Variants in CCBE1 observed in about 807,000 individuals in gnomAD.
The protein encoded by CCBE1 is collagen and calcium binding EGF domains 1, also known as collagen and calcium-binding EGF domain-containing protein 1.
Under a neutral mutation model 50.0 loss-of-function variants are expected in CCBE1, and 37 were observed. The ratio of observed to expected loss-of-function variants is 0.74; its 90% CI spans 0.57 to 0.97. The LOEUF (loss-of-function observed/expected upper bound fraction) is 0.97, where lower values mean the gene tolerates loss of function less well. Ranked by LOEUF, CCBE1 falls within the 50% of genes least tolerant of loss-of-function variation. CCBE1 has a pLI of 0.00. For synonymous variants in CCBE1, 234 were observed against 203.7 expected (o/e 1.15, Z -1.27); for missense variants, 538 against 523.8 (o/e 1.03, Z -0.26).
chr18:59,647,004 T>G (rs180915749), intron 2 of CCBE1, among the ~76,000 whole-genome samples: 1 of 152,340 alleles, frequency 6.6e-6, no homozygotes, highest in Non-Finnish European at 1.5e-5. Flanking sequence ...TCCGTGGGCC[T>G]AAGGATGGGA....
Position 59,434,223 on chromosome 18 carries a change from T to C in CCBE1, c.*1685A>G, listed in dbSNP as rs1910054824. ...TTCTTTAAGCAAGCTTTCACAGTAGTGGAGTTAAATGATGTGGGCTAAAAG... is the reference window on the plus strand; with the variant it reads ...TTCTTTAAGCAAGCTTTCACAGTAGCGGAGTTAAATGATGTGGGCTAAAAG... On this transcript the variant is annotated 3_prime_UTR_variant, in exon 11 of 11. Coordinates refer to ENST00000439986, the MANE Select transcript of CCBE1 (RefSeq NM_133459.4). 1 of 151,976 alleles carries C rather than the reference T, an allele frequency of 6.6e-6. No homozygotes were observed. Among genetic ancestry groups the C allele is most frequent in the Non-Finnish European group, 1.5e-5 (1 of 68,018 alleles). 9.4% of individuals were successfully genotyped at this position (151,976 alleles called of 1,614,324 possible).
chr18:59,580,895 T>C (rs1478192909), intron 2 of CCBE1, among the ~76,000 whole-genome samples: 3 of 152,172 alleles, frequency 2.0e-5, no homozygotes, highest in Non-Finnish European at 4.4e-5. Context: ...GGGCCTGGCT[T>C]GCGACTTTAA....
At chr18:59,488,643 C>G (rs1404049973) in intron 2 of CCBE1, among the ~76,000 whole-genome samples, 2 of 152,120 alleles carry the variant, frequency 1.3e-5, no homozygotes, top group Non-Finnish European at 1.5e-5. Context: ...AATGTACTCC[C>G]CAGGTGAGAA....
chr18:59,560,164 G>T (rs965932447), intron 2 of CCBE1, among the ~76,000 whole-genome samples: 1 of 152,236 alleles, frequency 6.6e-6, no homozygotes, highest in Non-Finnish European at 1.5e-5. Flanking sequence ...AAGCCCTACA[G>T]GTAGTTAGCC....
chr18:59,525,001 T>G (rs1230179776), intron 2 of CCBE1, among the ~76,000 whole-genome samples: 1 of 152,052 alleles, frequency 6.6e-6, no homozygotes, highest in African/African-American at 2.4e-5. Context: ...GTTGATTCTG[T>G]GTCTTTGCTA....
intron 2 of CCBE1, among the ~76,000 whole-genome samples, chr18:59,583,523 C>T (rs1049939643): frequency 5.9e-5 from 9 of 152,140 alleles, no homozygotes; most frequent in African/African-American, 2.2e-4. Flanking sequence ...TTTAGCTTTT[C>T]ATTATCAAAT....
chr18:59,694,877 C>T (rs915306605), intron 2 of CCBE1, among the ~76,000 whole-genome samples: 3 of 152,134 alleles, frequency 2.0e-5, no homozygotes, highest in Non-Finnish European at 2.9e-5. Flanking sequence ...GCATCGTTTC[C>T]CATTCCTTTA....
At chr18:59,451,744 C>A (rs570386782) in intron 6 of CCBE1, among the ~76,000 whole-genome samples, 2 of 152,268 alleles carry the variant, frequency 1.3e-5, no homozygotes, top group Non-Finnish European at 2.9e-5. Flanking sequence ...TTGCAGCAAA[C>A]CACCATGGCA....
chr18:59,672,170 T>C (rs1481526297), intron 2 of CCBE1, among the ~76,000 whole-genome samples: 1 of 152,124 alleles, frequency 6.6e-6, no homozygotes, highest in Non-Finnish European at 1.5e-5. Context: ...CATAGTATCA[T>C]GAGACCAGAA....
intron 4 of CCBE1, 111 bp from the exon 5 acceptor site, chr18:59,467,002 C>A: frequency 1.1e-6 from 1 of 943,120 alleles, no homozygotes; most frequent in Middle Eastern, 3.3e-4. Context: ...ACACTTGGGC[C>A]GACCTTGATC....
At position 59,512,101 on chromosome 18, in the gene CCBE1, C is replaced by T. The variant is rs1010501549; in HGVS notation, c.213-31863G>A. 6.6e-5 allele frequency among the ~76,000 whole-genome samples: 10 copies of T among 152,248 alleles called. No homozygotes were observed. In the East Asian group the frequency reaches 1.5e-3, roughly 24 times the overall value. Reference sequence around the variant, plus strand: ...CAGCAATCGTTAAGAGCTACAGTAGCGGTGTGATATGGAAGGAAGGCAGGA... The same window carrying T: ...CAGCAATCGTTAAGAGCTACAGTAGTGGTGTGATATGGAAGGAAGGCAGGA... On this transcript the variant is annotated intron_variant, in intron 2 of 10. Coordinates refer to ENST00000439986, the MANE Select transcript of CCBE1 (RefSeq NM_133459.4).
At chr18:59,563,191 A>G (rs889371807) in intron 2 of CCBE1, among the ~76,000 whole-genome samples, 19 of 152,216 alleles carry the variant, frequency 1.2e-4, no homozygotes, top group African/African-American at 4.6e-4. Context: ...AGCGAGAGAC[A>G]CAAGATGGAA....
At position 59,431,616 on chromosome 18, in the gene CCBE1, A is replaced by G. The variant is rs1909949487; in HGVS notation, c.*4292T>C. 1 of 152,222 alleles carries G rather than the reference A, an allele frequency of 6.6e-6. No individual in the cohort carries two copies. The highest frequency in any genetic ancestry group is 6.5e-5 in the Admixed American group (1 of 15,280). The allele number at this position is 152,222 out of a possible 1,614,324, so 9.4% of individuals were successfully genotyped here. Reference sequence around the variant, plus strand: ...CCTTGCATACCTGGGAACAGGGCTCACCAGGCCCACAGCAATTATGAACCT... The same window carrying G: ...CCTTGCATACCTGGGAACAGGGCTCGCCAGGCCCACAGCAATTATGAACCT... On this transcript the variant is annotated 3_prime_UTR_variant, in exon 11 of 11. Transcript: ENST00000439986.
At chr18:59,580,113 C>A (rs2053060430) in intron 2 of CCBE1, among the ~76,000 whole-genome samples, 1 of 152,078 alleles carries the variant, frequency 6.6e-6, no homozygotes, top group Non-Finnish European at 1.5e-5. Context: ...ATACTGGGGC[C>A]CCGAATTACT....
chr18:59,618,250 A>C (rs1429472659), intron 2 of CCBE1, among the ~76,000 whole-genome samples: 1 of 152,078 alleles, frequency 6.6e-6, no homozygotes, highest in African/African-American at 2.4e-5. Context: ...GGAAATTGAG[A>C]CCAGCTTGGG....
At chr18:59,547,772 G>A (rs369869484) in intron 2 of CCBE1, among the ~76,000 whole-genome samples, 6 of 152,194 alleles carry the variant, frequency 3.9e-5, no homozygotes, top group Non-Finnish European at 4.4e-5. Context: ...TGTGGGCTAC[G>A]TCTGGGCGGC....
intron 2 of CCBE1, among the ~76,000 whole-genome samples, chr18:59,550,986 C>G (rs1246399832): frequency 7.2e-5 from 7 of 97,500 alleles, no homozygotes; most frequent in African/African-American, 1.7e-4. Flanking sequence ...GCCTGGGCAA[C>G]ACAGCGAGAC....
At chr18:59,498,521 T>C (rs1007355979) in intron 2 of CCBE1, among the ~76,000 whole-genome samples, 1 of 152,222 alleles carries the variant, frequency 6.6e-6, no homozygotes, top group African/African-American at 2.4e-5. Context: ...TTTTATGGAA[T>C]TAGTGAATTA....
At chr18:59,457,463 G>A (rs1421676807) in intron 5 of CCBE1, among the ~76,000 whole-genome samples, 2 of 152,144 alleles carry the variant, frequency 1.3e-5, no homozygotes, top group African/African-American at 4.8e-5. Flanking sequence ...CACAGCCCTG[G>A]AATTACAATT....
Sources: allele counts gnomAD v4.1 joint callset (sites outside exome capture counted in the v4.1 genomes callset), GRCh38; gene constraint gnomAD v4.1.1; transcripts MANE v1.5; gene names NCBI Gene and HGNC (gene_info 2026-07-23, HGNC 2026-07-21).